Variants in RAD21 observed in about 807,000 individuals in gnomAD.
RAD21 encodes RAD21 cohesin complex component.
RAD21 carries 18 observed loss-of-function variants against 71.5 expected under a neutral mutation model. The ratio of observed to expected loss-of-function variants is 0.25; its 90% CI spans 0.17 to 0.37. The LOEUF is 0.37. Among genes scored for constraint, RAD21 ranks in the 10% least tolerant of loss-of-function variants. The pLI is 1.00. For missense variants in RAD21, 493 were observed against 769.1 expected, an observed-to-expected ratio of 0.64 and a Z score of 4.25; for synonymous variants, 248 against 254.0, an observed-to-expected ratio of 0.98 and a Z score of 0.22.
chr8:116,870,138 T>C (rs1431218698), intron 1 of RAD21, among the ~76,000 whole-genome samples: 1 of 152,188 alleles, frequency 6.6e-6, no homozygotes, highest in African/African-American at 2.4e-5. Flanking sequence ...GGATTATTAA[T>C]TCATACTAAA....
Position 116,866,677 on chromosome 8 carries a change from C to A in RAD21, c.53G>T (p.Trp18Leu). ...CTTCTTATCCCAATGGGCCGCTAGC[C>A]AAATTTTGGCCAGAGGCCCTCTTTT... Reference protein sequence around the residue: ...LSKRGPLAKIWLAAHWDKKLT... With the variant: ...LSKRGPLAKILLAAHWDKKLT... The change falls in exon 2 of 14, where the codon TGG (tryptophan) becomes TTG (leucine). Residue 18 changes from tryptophan (W) to leucine (L), a missense_variant. This residue lies in a region of RAD21 where 27 missense variants were observed against 144.1 expected (regional missense o/e 0.19). Coordinates refer to ENST00000297338, the MANE Select transcript of RAD21 (RefSeq NM_006265.3). The A allele has an allele frequency of 6.2e-7, 1 of 1,613,424 alleles. No individual in the cohort carries two copies. The highest frequency in any genetic ancestry group is 8.5e-7 in the Non-Finnish European group (1 of 1,179,688).
At position 116,858,460 on chromosome 8, in the gene RAD21, T is replaced by C; in HGVS notation, c.375-2A>G. On this transcript the variant is annotated splice_acceptor_variant, in intron 4 of 13. Transcript: ENST00000297338. LOFTEE classifies it high-confidence loss of function. The stretch of plus-strand genomic sequence containing the variant: ...AACTGCTGGGCCACATCGATGTCAC[T>C]TTAAAAGAAGGTCAAATACATTTTA... 6.2e-7 allele frequency: 1 copy of C among 1,607,924 alleles called. No individual in the cohort carries two copies. Among genetic ancestry groups the C allele is most frequent in the Non-Finnish European group, 8.5e-7 (1 of 1,176,142 alleles).
chr8:116,873,284 G>A (rs1483853561), intron 1 of RAD21, among the ~76,000 whole-genome samples: 2 of 152,286 alleles, frequency 1.3e-5, no homozygotes, highest in African/African-American at 4.8e-5. Flanking sequence ...AAAGCACTAT[G>A]TCTATTAGTT....
intron 1 of RAD21, among the ~76,000 whole-genome samples, chr8:116,871,368 T>C (rs986013584): frequency 3.3e-5 from 5 of 152,212 alleles, no homozygotes; most frequent in African/African-American, 7.2e-5. Context: ...TTTTTTTCAA[T>C]TGACCCTAAA....
intron 2 of RAD21, among the ~76,000 whole-genome samples, chr8:116,866,133 T>C (rs1263015811): frequency 3.3e-5 from 5 of 152,174 alleles, no homozygotes; most frequent in Non-Finnish European, 7.3e-5. Flanking sequence ...ATCTTTTTAC[T>C]GTCTCATTTG....
intron 13 of RAD21, among the ~76,000 whole-genome samples, chr8:116,848,218 A>C (rs1812283465): frequency 6.6e-6 from 1 of 152,250 alleles, no homozygotes; most frequent in South Asian, 2.1e-4. Context: ...TGCTTAGGAC[A>C]AAGATTGCAC....
intron 4 of RAD21, among the ~76,000 whole-genome samples, chr8:116,861,084 A>C (rs1171009452): frequency 6.6e-6 from 1 of 152,160 alleles, no homozygotes; most frequent in Non-Finnish European, 1.5e-5. Context: ...AGAGAGAAAA[A>C]AGTAAAATAG....
chr8:116,852,566 T>C lies in RAD21; in HGVS notation c.1304A>G (p.Gln435Arg), dbSNP rs199544034. Reference sequence around the variant, plus strand: ...GAACAAACCGATAACATCACGCTGCTGATGCTGCTGTTGCTGGTCCTCTCT... The same window carrying C: ...GAACAAACCGATAACATCACGCTGCCGATGCTGCTGTTGCTGGTCCTCTCT... ...VPREDQQQQH[Q>R]QRDVIDEPII... The change falls in exon 10 of 14, where the codon CAG (glutamine) becomes CGG (arginine). Residue 435 changes from glutamine (Q) to arginine (R), a missense_variant. By Grantham distance (43) the Gln-to-Arg change is conservative. Coordinates refer to ENST00000297338, the MANE Select transcript of RAD21 (RefSeq NM_006265.3). 3 of 1,612,712 alleles carry C rather than the reference T, an allele frequency of 1.9e-6. No individual in the cohort carries two copies. The highest frequency in any genetic ancestry group is 4.5e-5 in the East Asian group (2 of 44,866).
intron 1 of RAD21, among the ~76,000 whole-genome samples, chr8:116,870,169 A>G (rs918331203): frequency 1.3e-5 from 2 of 152,190 alleles, no homozygotes; most frequent in Non-Finnish European, 2.9e-5. Context: ...CTCAAAAGAA[A>G]AAAAACCAGG....
At chr8:116,873,799 G>A (rs889034990) in intron 1 of RAD21, among the ~76,000 whole-genome samples, 1 of 152,036 alleles carries the variant, frequency 6.6e-6, no homozygotes, top group African/African-American at 2.4e-5. Flanking sequence ...GCCTTTTTCA[G>A]CGACGAAAAG....
At chr8:116,847,727 A>G (rs1195647446) in intron 13 of RAD21, 36 bp from the exon 14 acceptor site, 5 of 1,546,926 alleles carry the variant, frequency 3.2e-6, no homozygotes, top group East Asian at 2.3e-5. Context: ...CTTAATCTGT[A>G]TAATAAAGTA....
chr8:116,873,340 AG>A (rs1563696341), intron 1 of RAD21, among the ~76,000 whole-genome samples: 1 of 152,216 alleles, frequency 6.6e-6, no homozygotes, highest in Non-Finnish European at 1.5e-5. Flanking sequence ...ACTTATTTGA[AG>A]ATCAGATATG....
At chr8:116,849,102 A>G in intron 12 of RAD21, 73 bp from the exon 13 acceptor site, 1 of 1,057,054 alleles carries the variant, frequency 9.5e-7, no homozygotes, top group Non-Finnish European at 1.3e-6. Flanking sequence ...ACATCTCCTA[A>G]AAGCTCCTAA....
chr8:116,873,663 A>T (rs751539548), intron 1 of RAD21, among the ~76,000 whole-genome samples: 3 of 152,134 alleles, frequency 2.0e-5, no homozygotes, highest in Non-Finnish European at 2.9e-5. Flanking sequence ...GAAGACACTA[A>T]CAAATCAGAG....
intron 5 of RAD21, among the ~76,000 whole-genome samples, chr8:116,858,141 T>G (rs1238446960): frequency 6.6e-6 from 1 of 152,228 alleles, no homozygotes; most frequent in Non-Finnish European, 1.5e-5. Context: ...GTTCTATGAT[T>G]GCATATAGGG....
intron 1 of RAD21, among the ~76,000 whole-genome samples, chr8:116,867,762 G>T (rs1226203308): frequency 6.6e-6 from 1 of 152,076 alleles, no homozygotes; most frequent in African/African-American, 2.4e-5. Flanking sequence ...AGAGTCACAG[G>T]GAGTCATAGA....
intron 12 of RAD21, 121 bp from the exon 13 acceptor site, chr8:116,849,150 CTG>C (rs1812302790): frequency 6.4e-6 from 4 of 629,214 alleles, no homozygotes; most frequent in African/African-American, 5.7e-5. Context: ...TAATAGAAAA[CTG>C]TACTTAATGC....
intron 3 of RAD21, 136 bp from the exon 4 acceptor site, chr8:116,862,076 CA>C (rs1812603100): frequency 1.7e-6 from 1 of 588,844 alleles, no homozygotes; most frequent in South Asian, 2.3e-5. Context: ...TACCTTGAAG[CA>C]CAAGTACTTC....
chr8:116,871,200 A>G (rs1464245486), intron 1 of RAD21, among the ~76,000 whole-genome samples: 1 of 152,172 alleles, frequency 6.6e-6, no homozygotes, highest in Non-Finnish European at 1.5e-5. Context: ...AACTTCATCC[A>G]ATCTTTAAAA....
Sources: allele counts gnomAD v4.1 joint callset (sites outside exome capture counted in the v4.1 genomes callset), GRCh38; gene constraint gnomAD v4.1.1; regional missense constraint gnomAD v4.1.1; transcripts MANE v1.5; gene names NCBI Gene and HGNC (gene_info 2026-07-23, HGNC 2026-07-21).